The following DIAPH1 variants were observed in gnomAD, a reference collection of about 807,000 sequenced individuals.
DIAPH1 encodes protein diaphanous homolog 1.
In DIAPH1, 46 loss-of-function variants were observed where a neutral mutation model predicts 140.7. The observed-to-expected ratio is 0.33, with a 90% CI of 0.26 to 0.42. The LOEUF (loss-of-function observed/expected upper bound fraction) is 0.42. Ranked by LOEUF, DIAPH1 falls within the 10% of genes least tolerant of loss-of-function variation. The probability of loss-of-function intolerance (pLI) is 1.00; values close to 1 mark genes in which losing one functional copy is unlikely to be tolerated. For synonymous variants in DIAPH1, 565 were observed against 551.6 expected, an observed-to-expected ratio of 1.02 and a Z score of -0.34; for missense variants, 1,310 against 1,558.7, an observed-to-expected ratio of 0.84 and a Z score of 2.69.
chr5:141,528,959 C>A lies in DIAPH1; in HGVS notation c.2779-18G>T. 6.2e-7 allele frequency: 1 copy of A among 1,613,610 alleles called. No individual in the cohort carries two copies. Among genetic ancestry groups the A allele is most frequent in the Non-Finnish European group, 8.5e-7 (1 of 1,180,038 alleles). On this transcript the variant is annotated intron_variant, in intron 21 of 27. Coordinates refer to ENST00000389054, the MANE Select transcript of DIAPH1 (RefSeq NM_005219.5). Reference sequence around the variant, plus strand: ...GTGCCCATCTAGTAAAGAACACAAGCAGTTCCATTACAGTCAAAAGAGGGG... The same window carrying A: ...GTGCCCATCTAGTAAAGAACACAAGAAGTTCCATTACAGTCAAAAGAGGGG...
chr5:141,576,895 C>A, intron 12 of DIAPH1, 24 bp from the exon 13 acceptor site: 1 of 1,339,406 alleles, frequency 7.5e-7, no homozygotes, highest in Non-Finnish European at 1.1e-6. Flanking sequence ...AAAACAGGGT[C>A]ATCAAAGGAA....
intron 18 of DIAPH1, among the ~76,000 whole-genome samples, chr5:141,539,709 T>C (rs955552511): frequency 1.3e-5 from 2 of 152,144 alleles, no homozygotes; most frequent in African/African-American, 2.4e-5. Flanking sequence ...GTTATCTAAT[T>C]TGTTGGTGAA....
Position 141,573,729 on chromosome 5 carries a change from C to T in DIAPH1, c.2121G>A (p.Leu707=). The change falls in exon 16 of 28, where the codon TTG becomes TTA. Residue 707 remains leucine, a synonymous_variant. Coordinates refer to ENST00000389054, the MANE Select transcript of DIAPH1 (RefSeq NM_005219.5). Reference sequence around the variant, plus strand: ...GAGGTGGCATTCCTGCTTCTCCAGGCAAGGGAGGAGGTGGGGGGGGAATTC... The same window carrying T: ...GAGGTGGCATTCCTGCTTCTCCAGGTAAGGGAGGAGGTGGGGGGGGAATTC... ...SAGIPPPPPP[L]PGEAGMPPPP... 3.3e-6 allele frequency: 5 copies of T among 1,518,968 alleles called. No individual in the cohort carries two copies. In the East Asian group the frequency reaches 7.1e-5, roughly 22 times the overall value. 94.1% of individuals were successfully genotyped at this position (1,518,968 alleles called of 1,614,324 possible). A position where few individuals can be genotyped will look rare whatever the true frequency, so the allele number is the denominator to read the frequency against.
chr5:141,552,720 T>C (rs1160074017), intron 18 of DIAPH1, among the ~76,000 whole-genome samples: 1 of 152,150 alleles, frequency 6.6e-6, no homozygotes, highest in Admixed American at 6.5e-5. Flanking sequence ...GTACTTCAAA[T>C]CTGATGTGTC....
intron 3 of DIAPH1, among the ~76,000 whole-genome samples, chr5:141,585,595 T>C (rs1358777505): frequency 1.3e-5 from 2 of 150,588 alleles, no homozygotes; most frequent in African/African-American, 2.4e-5. Flanking sequence ...AGGTCAGGGG[T>C]TCGAGACTAG....
intron 1 of DIAPH1, among the ~76,000 whole-genome samples, chr5:141,595,581 C>CT (rs1294488687): frequency 6.6e-6 from 1 of 152,184 alleles, no homozygotes; most frequent in African/African-American, 2.4e-5. Flanking sequence ...TTGTAAGCAT[C>CT]TGGCATTTCC....
chr5:141,576,998 A>G (rs1045479878), intron 12 of DIAPH1, 127 bp from the exon 13 acceptor site: 3 of 696,930 alleles, frequency 4.3e-6, no homozygotes, highest in Admixed American at 2.1e-5. Context: ...TAAAGTTAAC[A>G]CAAGTATTGC....
chr5:141,603,582 A>G (rs1455069246), intron 1 of DIAPH1, among the ~76,000 whole-genome samples: 1 of 152,222 alleles, frequency 6.6e-6, no homozygotes, highest in African/African-American at 2.4e-5. Flanking sequence ...AATGCCGTAT[A>G]AAGAACAGTA....
chr5:141,578,694 A>T, intron 9 of DIAPH1, 69 bp from the exon 10 acceptor site: 1 of 1,214,292 alleles, frequency 8.2e-7, no homozygotes, highest in South Asian at 1.2e-5. Flanking sequence ...TTTTCTTTAC[A>T]TGCATTCTTA....
In DIAPH1 at chr5:141,577,926, TC is replaced by T. The variant is rs1423863616; in HGVS notation, c.1163+298del. ...ATTACTCCCTCTGTCAGTCCAAACA[TC>T]TCTAAAAGCCAGTTCTACATCTTAG... On this transcript the variant is annotated intron_variant, in intron 11 of 27. Transcript: ENST00000389054. 7.6e-6 allele frequency: 4 copies of T among 522,892 alleles called. No individual in the cohort carries two copies. The African/African-American group carries it at 7.7e-5, about 10-fold the overall frequency. The allele number at this position is 522,892 out of a possible 1,614,324, so 32.4% of individuals were successfully genotyped here.
chr5:141,570,160 G>A (rs1038999813), intron 18 of DIAPH1, among the ~76,000 whole-genome samples: 1 of 148,852 alleles, frequency 6.7e-6, no homozygotes, highest in African/African-American at 2.6e-5. Context: ...GGATGGGGGT[G>A]GGGGGAGAAA....
chr5:141,577,547 T>G lies in DIAPH1; in HGVS notation c.1208A>C (p.Asp403Ala). The G allele has an allele frequency of 6.2e-7, 1 of 1,613,978 alleles. No homozygotes were observed. The highest frequency in any genetic ancestry group is 8.5e-7 in the Non-Finnish European group (1 of 1,179,842). ...VFQILLNTVK[D>A]SKAEPHFLSI... is the part of the protein sequence containing the mutation. ...AAGGAAGTGTGGCTCTGCCTTTGAA[T>G]CCTTCACTGTGTTTAAGAGAATCTG... is the stretch of plus-strand genomic sequence containing the variant. The change falls in exon 12 of 28, where the codon GAT becomes GCT. Residue 403 changes from aspartate to alanine, a missense_variant. By Grantham distance (126) the Asp-to-Ala change is moderately radical. Coordinates refer to ENST00000389054, the MANE Select transcript of DIAPH1 (RefSeq NM_005219.5).
At chr5:141,582,421 C>T (rs749039579) in intron 6 of DIAPH1, 46 bp from the exon 7 acceptor site, 6 of 1,384,512 alleles carry the variant, frequency 4.3e-6, no homozygotes, top group South Asian at 3.5e-5. Context: ...ATTCTCTACC[C>T]CTTTCCCATT....
chr5:141,586,768 G>A (rs912708112), intron 3 of DIAPH1, among the ~76,000 whole-genome samples: 1 of 152,196 alleles, frequency 6.6e-6, no homozygotes, highest in Non-Finnish European at 1.5e-5. Context: ...AGGGTTAGAT[G>A]GTCCACTACG....
chr5:141,554,003 G>A (rs2099892160), intron 18 of DIAPH1, among the ~76,000 whole-genome samples: 1 of 152,144 alleles, frequency 6.6e-6, no homozygotes, highest in Non-Finnish European at 1.5e-5. Flanking sequence ...ATCAGGCAGG[G>A]CGCGGTGGCT....
At chr5:141,583,417 A>G in intron 5 of DIAPH1, 68 bp downstream of exon 5, 1 of 1,612,642 alleles carries the variant, frequency 6.2e-7, no homozygotes, top group Non-Finnish European at 8.5e-7. Flanking sequence ...GGCTCCTTTG[A>G]TCTTCAATCA....
In DIAPH1 at chr5:141,565,015, A is replaced by G. The variant is rs1289819256; in HGVS notation, c.2482+6413T>C. ...ACTTGGGCCCACAGATTTTATTTTTAAGAATTTACTGTGCAGAAATACAAG... is the reference window on the plus strand; with the variant it reads ...ACTTGGGCCCACAGATTTTATTTTTGAGAATTTACTGTGCAGAAATACAAG... On this transcript the variant is annotated intron_variant, in intron 18 of 27. Transcript: ENST00000389054. This position sits in a 1 kb window ranked among gnomAD's most constrained non-coding sequence, Gnocchi z 4.3. 6.6e-6 allele frequency: 1 copy of G among 152,212 alleles called. No individual in the cohort carries two copies. Among genetic ancestry groups the G allele is most frequent in the Non-Finnish European group, 1.5e-5 (1 of 68,026 alleles). 9.4% of individuals were successfully genotyped at this position (152,212 alleles called of 1,614,324 possible). A position where few individuals can be genotyped will look rare whatever the true frequency, so the allele number is the denominator to read the frequency against.
intron 14 of DIAPH1, among the ~76,000 whole-genome samples, chr5:141,575,387 ACC>A (rs1194500429): frequency 6.6e-6 from 1 of 152,020 alleles, no homozygotes; most frequent in East Asian, 1.9e-4. Context: ...AGTGGCTCAC[ACC>A]TGTAATCCCA....
intron 16 of DIAPH1, 149 bp downstream of exon 16, chr5:141,573,343 G>A: frequency 1.1e-6 from 1 of 942,096 alleles, no homozygotes; most frequent in Non-Finnish European, 1.6e-6. Flanking sequence ...GCTGAGGCAG[G>A]AGAATGGCGT....
Sources: gnomAD v4.1 joint callset for allele counts (sites outside exome capture counted in the v4.1 genomes callset) on GRCh38, gnomAD v4.1.1 for gene constraint, Gnocchi (gnomAD v3.1) non-coding constraint, MANE v1.5 for transcripts, NCBI Gene and HGNC (gene_info 2026-07-23, HGNC 2026-07-21) for gene names.